MTHFS: variants seen among roughly 807,000 people sequenced by gnomAD.
The protein encoded by MTHFS is methenyltetrahydrofolate synthetase.
MTHFS carries 7 observed loss-of-function variants against 12.7 expected under a neutral mutation model. That is an observed-to-expected ratio of 0.55 (90% CI 0.31 to 1.03). The LOEUF (loss-of-function observed/expected upper bound fraction) is 1.03, where lower values mean the gene tolerates loss of function less well. Among genes scored for constraint, MTHFS ranks in the 50% least tolerant of loss-of-function variants. The pLI is 0.05. For missense variants in MTHFS, 252 were observed against 258.1 expected (o/e 0.98, Z 0.16); for synonymous variants, 100 against 97.1 (o/e 1.03, Z -0.18).
At chr15:79,894,462 C>T (rs144038704) in intron 1 of MTHFS, among the ~76,000 whole-genome samples, 1 of 152,246 alleles carries the variant, frequency 6.6e-6, no homozygotes, top group African/African-American at 2.4e-5. Context: ...TTTGTTTGTA[C>T]AGAGTAAAAT....
chr15:79,894,005 G>C (rs1201916726), intron 1 of MTHFS, among the ~76,000 whole-genome samples: 13 of 152,102 alleles, frequency 8.5e-5, no homozygotes, highest in Admixed American at 8.5e-4. Flanking sequence ...ACACTACACA[G>C]TACACTGATG....
intron 2 of MTHFS, chr15:79,877,920 A>T (rs1415395284): frequency 6.6e-6 from 1 of 152,094 alleles, no homozygotes; most frequent in Non-Finnish European, 1.5e-5. Flanking sequence ...AAACCCTTTC[A>T]AAAATAGAGG....
chr15:79,845,805 A>G (rs1438606282), intron 2 of MTHFS, among the ~76,000 whole-genome samples: 1 of 152,180 alleles, frequency 6.6e-6, no homozygotes, highest in Non-Finnish European at 1.5e-5. Context: ...ACCCCAGGAT[A>G]ATGACAGTTG....
At chr15:79,885,106 A>G (rs929883324) in intron 2 of MTHFS, among the ~76,000 whole-genome samples, 1 of 152,204 alleles carries the variant, frequency 6.6e-6, no homozygotes, top group Admixed American at 6.5e-5. Flanking sequence ...TGCAACCCTA[A>G]CAAAGAAAGA....
intron 2 of MTHFS, among the ~76,000 whole-genome samples, chr15:79,847,034 C>T (rs1402354494): frequency 6.6e-6 from 1 of 152,202 alleles, no homozygotes; most frequent in Non-Finnish European, 1.5e-5. Flanking sequence ...GCAGTCTCTG[C>T]CAAATGCCCC....
chr15:79,895,960 C>T (rs114448006), intron 1 of MTHFS, among the ~76,000 whole-genome samples: 3,435 of 152,248 alleles, frequency 0.023, 121 homozygotes, highest in African/African-American at 0.078. Context: ...ATTTTTCTTC[C>T]TCTGGTGTCT....
intron 2 of MTHFS, among the ~76,000 whole-genome samples, chr15:79,866,151 T>A (rs1313088026): frequency 6.6e-6 from 1 of 151,702 alleles, no homozygotes; most frequent in African/African-American, 2.4e-5. Context: ...TAAGAACAAA[T>A]CCAGCAGCAG....
chr15:79,889,473 A>AAAAAAAAAAAAAC, intron 1 of MTHFS, 119 bp from the exon 2 acceptor site: 1 of 1,225,216 alleles, frequency 8.2e-7, no homozygotes, highest in Non-Finnish European at 1.1e-6. Context: ...AAGAAAAAAA[A>AAAAAAAAAAAAAC]AGGGGGGGGG....
intron 2 of MTHFS, among the ~76,000 whole-genome samples, chr15:79,884,301 G>A (rs1483619246): frequency 6.6e-6 from 1 of 152,180 alleles, no homozygotes; most frequent in Non-Finnish European, 1.5e-5. Flanking sequence ...TACCAAGGAG[G>A]CACAAGTATT....
intron 2 of MTHFS, among the ~76,000 whole-genome samples, chr15:79,854,898 G>C (rs1234687472): frequency 6.6e-6 from 1 of 152,142 alleles, no homozygotes; most frequent in African/African-American, 2.4e-5. Flanking sequence ...AAAGAAGCAA[G>C]CTAGGTTGCT....
intron 1 of MTHFS, among the ~76,000 whole-genome samples, chr15:79,891,963 CAAAAAAAAAAAAA>C (rs57309663): frequency 5.9e-5 from 5 of 84,290 alleles, no homozygotes; most frequent in African/African-American, 2.0e-4. Flanking sequence ...AACTCCATCT[CAAAAAAAAAAAAA>C]AAAAAAAAAG....
At chr15:79,877,052 AAAG>A (rs1335752983) in intron 2 of MTHFS, 1 of 152,100 alleles carries the variant, frequency 6.6e-6, no homozygotes, top group Non-Finnish European at 1.5e-5. Context: ...TTTAAAAAAA[AAAG>A]AAAAGTACAA....
At chr15:79,847,190 G>C (rs1036225259) in intron 2 of MTHFS, among the ~76,000 whole-genome samples, 39 of 152,266 alleles carry the variant, frequency 2.6e-4, no homozygotes, top group South Asian at 4.1e-4. Context: ...GAAACCAAAA[G>C]AAAGGTGGCA....
At chr15:79,863,024 T>G (rs2033944630) in intron 2 of MTHFS, among the ~76,000 whole-genome samples, 1 of 152,160 alleles carries the variant, frequency 6.6e-6, no homozygotes, top group South Asian at 2.1e-4. Context: ...TCAAACGGGA[T>G]TCACTATGTG....
At chr15:79,881,444 A>G (rs928770314) in intron 2 of MTHFS, among the ~76,000 whole-genome samples, 4 of 152,234 alleles carry the variant, frequency 2.6e-5, no homozygotes, top group Non-Finnish European at 5.9e-5. Flanking sequence ...GCTGCAAAAG[A>G]TAAAATAGAC....
At position 79,896,919 on chromosome 15, in the gene MTHFS, T is replaced by A; in HGVS notation, c.70A>T (p.Met24Leu). The A allele has an allele frequency of 6.5e-7, 1 of 1,542,124 alleles. No individual in the cohort carries two copies. Among genetic ancestry groups the A allele is most frequent in the Non-Finnish European group, 8.7e-7 (1 of 1,146,222 alleles). ...TGGCGTAGCCGCTCCTCGGCACTCA[T>A]CGCCCGCAGACGCTGCTTCAGCTCT... is the stretch of plus-strand genomic sequence containing the variant. ...RGELKQRLRAMSAEERLRQSR... is the reference protein window; with the variant it reads ...RGELKQRLRALSAEERLRQSR... The change falls in exon 1 of 3, where the codon ATG becomes TTG. Residue 24 changes from methionine to leucine, a missense_variant. Met to Leu is a conservative substitution (Grantham distance 15). Transcript: ENST00000258874.
At chr15:79,893,416 T>C (rs1191632089) in intron 1 of MTHFS, among the ~76,000 whole-genome samples, 1 of 148,476 alleles carries the variant, frequency 6.7e-6, no homozygotes, top group Non-Finnish European at 1.5e-5. Flanking sequence ...AATGAAAAAC[T>C]GGCTAGGCGC....
At chr15:79,884,946 C>T (rs2034356281) in intron 2 of MTHFS, among the ~76,000 whole-genome samples, 1 of 140,328 alleles carries the variant, frequency 7.1e-6, no homozygotes, top group African/African-American at 2.7e-5. Context: ...ATCACACCTT[C>T]CACAGAGCAG....
intron 1 of MTHFS, among the ~76,000 whole-genome samples, chr15:79,894,328 C>G (rs1197411025): frequency 6.6e-6 from 1 of 152,136 alleles, no homozygotes; most frequent in Non-Finnish European, 1.5e-5. Flanking sequence ...TTGCAGTGAG[C>G]CGAGATCATG....
Sources: allele counts gnomAD v4.1 joint callset (sites outside exome capture counted in the v4.1 genomes callset), GRCh38; gene constraint gnomAD v4.1.1; transcripts MANE v1.5; gene names NCBI Gene and HGNC (gene_info 2026-07-23, HGNC 2026-07-21).